Variants in PDE4D observed in about 807,000 individuals in gnomAD.
The protein encoded by PDE4D is phosphodiesterase 4D.
A neutral mutation model predicts 87.4 loss-of-function variants in PDE4D; 24 were observed. The observed-to-expected ratio is 0.27, with a 90% CI of 0.20 to 0.39. The LOEUF is 0.39. Ranked by LOEUF, PDE4D falls within the 10% of genes least tolerant of loss-of-function variation. The pLI is 1.00. For synonymous variants in PDE4D, 384 were observed against 383.2 expected (o/e 1.00, Z -0.02); for missense variants, 714 against 1,041.0 (o/e 0.69, Z 4.32).
intron 1 of PDE4D, chr5:59,768,756 A>C: frequency 1.2e-6 from 1 of 862,034 alleles, no homozygotes; most frequent in East Asian, 3.0e-5. Context: ...ACAAGCTCGC[A>C]TAGCAAATGA....
intron 2 of PDE4D, among the ~76,000 whole-genome samples, chr5:60,161,859 T>G (rs1406895210): frequency 6.6e-6 from 1 of 152,196 alleles, no homozygotes; most frequent in Non-Finnish European, 1.5e-5. Flanking sequence ...CTTACCACTA[T>G]CCCTATTTTA....
intron 1 of PDE4D, among the ~76,000 whole-genome samples, chr5:59,534,595 A>G (rs1224884861): frequency 2.0e-5 from 3 of 152,212 alleles, no homozygotes; most frequent in Non-Finnish European, 4.4e-5. Context: ...TAGTATGCAC[A>G]TGAAAGTACC....
intron 1 of PDE4D, among the ~76,000 whole-genome samples, chr5:59,554,744 G>A (rs1054430444): frequency 3.9e-5 from 6 of 152,108 alleles, no homozygotes; most frequent in African/African-American, 1.4e-4. Context: ...ACTAGGTCTC[G>A]CTTTACCAAG....
At chr5:59,764,213 G>T (rs1035580103) in intron 1 of PDE4D, among the ~76,000 whole-genome samples, 9 of 151,964 alleles carry the variant, frequency 5.9e-5, no homozygotes, top group Non-Finnish European at 8.8e-5. Flanking sequence ...ATTTAAACAT[G>T]ATCCTAAAGG....
chr5:59,876,357 C>T (rs1748606355), intron 1 of PDE4D, among the ~76,000 whole-genome samples: 1 of 152,068 alleles, frequency 6.6e-6, no homozygotes, highest in Non-Finnish European at 1.5e-5. Flanking sequence ...CTGAACATTT[C>T]TATTTGTGTG....
intron 1 of PDE4D, among the ~76,000 whole-genome samples, chr5:60,387,341 A>G (rs1358842439): frequency 5.3e-5 from 8 of 152,240 alleles, no homozygotes; most frequent in East Asian, 1.9e-4. Flanking sequence ...AATGACGTCA[A>G]TGTTAGAGCC....
chr5:59,527,956 T>C (rs1020444238), intron 1 of PDE4D, among the ~76,000 whole-genome samples: 4 of 152,200 alleles, frequency 2.6e-5, no homozygotes, highest in Non-Finnish European at 4.4e-5. Flanking sequence ...CTGTTATATC[T>C]GAAACCTCAA....
intron 1 of PDE4D, among the ~76,000 whole-genome samples, chr5:59,467,992 A>C (rs1467156529): frequency 6.6e-6 from 1 of 151,806 alleles, no homozygotes; most frequent in Non-Finnish European, 1.5e-5. Flanking sequence ...CCTCTTCTAG[A>C]AAAAGATCAA....
chr5:59,454,178 A>G (rs1295868017), intron 1 of PDE4D, among the ~76,000 whole-genome samples: 3 of 152,184 alleles, frequency 2.0e-5, no homozygotes, highest in African/African-American at 7.2e-5. Context: ...TTTTAAAAAT[A>G]TATTACTGCT....
intron 1 of PDE4D, among the ~76,000 whole-genome samples, chr5:60,424,050 C>T (rs990251641): frequency 2.7e-4 from 41 of 152,168 alleles, no homozygotes; most frequent in African/African-American, 9.9e-4. Context: ...AATTAATAGC[C>T]TACCAACCAA....
intron 5 of PDE4D, among the ~76,000 whole-genome samples, chr5:59,046,757 G>A (rs2153400678): frequency 6.6e-6 from 1 of 152,296 alleles, no homozygotes; most frequent in South Asian, 2.1e-4. Flanking sequence ...GCTGACATAA[G>A]AGAAGAGTCA....
intron 2 of PDE4D, among the ~76,000 whole-genome samples, chr5:60,005,789 A>G (rs763266486): frequency 2.6e-5 from 4 of 150,968 alleles, no homozygotes; most frequent in Non-Finnish European, 5.9e-5. Context: ...AATCAGCAAA[A>G]TTGAACCTAT....
intron 5 of PDE4D, among the ~76,000 whole-genome samples, chr5:59,076,186 T>C (rs1207619478): frequency 6.6e-6 from 1 of 152,206 alleles, no homozygotes; most frequent in Non-Finnish European, 1.5e-5. Context: ...TTACATTTTA[T>C]ACAGTGTGTA....
chr5:59,882,203 T>C (rs537525300), intron 1 of PDE4D, among the ~76,000 whole-genome samples: 14 of 152,318 alleles, frequency 9.2e-5, no homozygotes, highest in Non-Finnish European at 1.5e-4. Flanking sequence ...TATTTATCCA[T>C]GTTGGATGAT....
chr5:59,148,802 T>C (rs1157127878), intron 5 of PDE4D, among the ~76,000 whole-genome samples: 1 of 151,912 alleles, frequency 6.6e-6, no homozygotes. Flanking sequence ...TATCTGTGTG[T>C]GTACATACAC....
At chr5:59,559,267 A>T (rs990620809) in intron 1 of PDE4D, among the ~76,000 whole-genome samples, 1 of 152,196 alleles carries the variant, frequency 6.6e-6, no homozygotes, top group Non-Finnish European at 1.5e-5. Context: ...ACGGCCTAAA[A>T]TATATGCCAA....
chr5:60,193,291 T>G (rs1785342236), intron 1 of PDE4D, among the ~76,000 whole-genome samples: 1 of 152,094 alleles, frequency 6.6e-6, no homozygotes, highest in Non-Finnish European at 1.5e-5. Flanking sequence ...GCAAGAGATT[T>G]GGGTTTTATA....
chr5:59,131,587 G>A, intron 5 of PDE4D, among the ~76,000 whole-genome samples: 2 of 114,416 alleles, frequency 1.7e-5, no homozygotes, highest in Admixed American at 9.6e-5. Flanking sequence ...AAATAATAAG[G>A]CCAATTTAAA....
intron 1 of PDE4D, among the ~76,000 whole-genome samples, chr5:60,389,133 G>A (rs1489833841): frequency 1.3e-5 from 2 of 152,110 alleles, no homozygotes; most frequent in African/African-American, 4.8e-5. Context: ...TCTATGAAAG[G>A]ATTGGAATAA....
Sources: gnomAD v4.1 joint callset for allele counts (sites outside exome capture counted in the v4.1 genomes callset) on GRCh38, gnomAD v4.1.1 for gene constraint, MANE v1.5 for transcripts, NCBI Gene and HGNC (gene_info 2026-07-23, HGNC 2026-07-21) for gene names.